CPNE3: variants seen among roughly 807,000 people sequenced by gnomAD.
CPNE3 encodes copine-3.
CPNE3 carries 68 observed loss-of-function variants against 63.9 expected under a neutral mutation model. The ratio of observed to expected loss-of-function variants is 1.06; its 90% CI spans 0.87 to 1.30. The LOEUF is 1.30. CPNE3 is among the 50% of genes most tolerant of loss of function. The probability of loss-of-function intolerance (pLI) is 0.00; values close to 1 mark genes in which losing one functional copy is unlikely to be tolerated. For missense variants in CPNE3, 665 were observed against 578.1 expected, an observed-to-expected ratio of 1.15 and a Z score of -1.54; for synonymous variants, 219 against 197.5, an observed-to-expected ratio of 1.11 and a Z score of -0.91.
intron 6 of CPNE3, among the ~76,000 whole-genome samples, chr8:86,535,177 G>A (rs1424934787): frequency 6.6e-6 from 1 of 152,018 alleles, no homozygotes; most frequent in Non-Finnish European, 1.5e-5. Flanking sequence ...TTCTGCCTTA[G>A]ACTGGCAGAT....
chr8:86,545,577 T>C (rs1821029404), intron 9 of CPNE3, among the ~76,000 whole-genome samples: 1 of 152,232 alleles, frequency 6.6e-6, no homozygotes, highest in South Asian at 2.1e-4. Context: ...ATACTTATGA[T>C]TGTGACTGAG....
intron 14 of CPNE3, among the ~76,000 whole-genome samples, chr8:86,553,608 T>C (rs1485151051): frequency 6.6e-6 from 1 of 152,200 alleles, no homozygotes; most frequent in Non-Finnish European, 1.5e-5. Flanking sequence ...GTTCATACGA[T>C]GATGAAATCA....
chr8:86,519,899 G>A (rs1254726091), intron 2 of CPNE3, among the ~76,000 whole-genome samples: 1 of 152,066 alleles, frequency 6.6e-6, no homozygotes, highest in African/African-American at 2.4e-5. Context: ...TTTTAGTAGA[G>A]ATGGGTTTCA....
chr8:86,559,306 G>C lies in CPNE3; in HGVS notation c.*896G>C, dbSNP rs1801831. 6.6e-6 allele frequency: 1 copy of C among 151,846 alleles called. No individual in the cohort carries two copies. Among genetic ancestry groups the C allele is most frequent in the Non-Finnish European group, 1.5e-5 (1 of 67,992 alleles). The allele number at this position is 151,846 out of a possible 1,614,324, so 9.4% of individuals were successfully genotyped here. On this transcript the variant is annotated 3_prime_UTR_variant, in exon 17 of 17. Transcript: ENST00000517490. The stretch of plus-strand genomic sequence containing the variant: ...AAAGATAAGAGGACCAAACATATAA[G>C]GTGAAATTCAGAATTCCGTTTCCTT...
rs528366903 is a variant in CPNE3, at chr8:86,558,419, A to G, written c.*9A>G. 16 of 872,786 alleles carry G rather than the reference A, an allele frequency of 1.8e-5. No homozygotes were observed. Among genetic ancestry groups the G allele is most frequent in the Non-Finnish European group, 3.0e-5 (15 of 501,624 alleles). 54.1% of individuals were successfully genotyped at this position (872,786 alleles called of 1,614,324 possible). On this transcript the variant is annotated 3_prime_UTR_variant, in exon 17 of 17. Transcript: ENST00000517490. ...AACAACAGAAGCAGTGACCACTTCAACAGAATTCTTTTGTGTTATGTGGAG... is the reference window on the plus strand; with the variant it reads ...AACAACAGAAGCAGTGACCACTTCAGCAGAATTCTTTTGTGTTATGTGGAG...
intron 2 of CPNE3, chr8:86,525,147 G>A (rs6651177): frequency 0.24 from 36,152 of 152,006 alleles, 4,479 homozygotes; most frequent in Non-Finnish European, 0.27. Context: ...GAGCCACTGC[G>A]CCCAGCCTAA....
chr8:86,551,928 A>G (rs1429422464), intron 14 of CPNE3, among the ~76,000 whole-genome samples: 1 of 152,238 alleles, frequency 6.6e-6, no homozygotes, highest in Admixed American at 6.5e-5. Context: ...GGCCTCCCAA[A>G]GTACTGGGAT....
At chr8:86,554,781 C>G (rs759760290) in intron 14 of CPNE3, 70 bp from the exon 15 acceptor site, 3 of 1,555,646 alleles carry the variant, frequency 1.9e-6, no homozygotes, top group Non-Finnish European at 2.6e-6. Flanking sequence ...TCAAATTAGC[C>G]AGTATTGTGA....
intron 8 of CPNE3, among the ~76,000 whole-genome samples, chr8:86,540,948 A>G (rs1820922974): frequency 6.6e-6 from 1 of 152,186 alleles, no homozygotes; most frequent in Non-Finnish European, 1.5e-5. Flanking sequence ...TAAATAAAAG[A>G]AAACTCATGG....
intron 2 of CPNE3, among the ~76,000 whole-genome samples, chr8:86,521,071 C>T (rs368139779): frequency 2.6e-5 from 4 of 152,006 alleles, no homozygotes; most frequent in African/African-American, 7.3e-5. Context: ...ACAGAACAAG[C>T]GTAGTTTAAA....
Position 86,537,609 on chromosome 8 carries a change from C to T in CPNE3, c.506C>T (p.Thr169Ile), listed in dbSNP as rs1460690406. ...CCATACCTGGAATTCCACAAGCAGA[C>T]ATCTGATGGAAACTGGCTAATGGTT... is the stretch of plus-strand genomic sequence containing the variant. ...SDPYLEFHKQ[T>I]SDGNWLMVHR... is the part of the protein sequence containing the mutation. Residue 169 changes from threonine to isoleucine, a missense_variant, in exon 7 of 17, where the codon ACA becomes ATA. Coordinates refer to ENST00000517490, the MANE Select transcript of CPNE3 (RefSeq NM_003909.5). 5.6e-6 allele frequency: 9 copies of T among 1,610,534 alleles called. No homozygotes were observed. Among genetic ancestry groups the T allele is most frequent in the Non-Finnish European group, 7.6e-6 (9 of 1,176,848 alleles).
chr8:86,536,552 T>C (rs1333238020), intron 6 of CPNE3, among the ~76,000 whole-genome samples: 1 of 152,108 alleles, frequency 6.6e-6, no homozygotes, highest in Non-Finnish European at 1.5e-5. Context: ...TCTTATTTGC[T>C]TGACATTAAA....
intron 8 of CPNE3, among the ~76,000 whole-genome samples, chr8:86,544,183 T>C (rs1370810728): frequency 6.6e-6 from 1 of 152,164 alleles, no homozygotes; most frequent in African/African-American, 2.4e-5. Context: ...GTAAGAGTTG[T>C]GATCTTCACA....
At chr8:86,532,721 T>TG in intron 6 of CPNE3, 141 bp downstream of exon 6, 1 of 679,154 alleles carries the variant, frequency 1.5e-6, no homozygotes, top group Non-Finnish European at 2.6e-6. Flanking sequence ...CATGTGTGTG[T>TG]GTGTGTTGTA....
intron 9 of CPNE3, 30 bp downstream of exon 9, chr8:86,544,868 T>G (rs1240644710): frequency 7.5e-7 from 1 of 1,334,952 alleles, no homozygotes; most frequent in African/African-American, 1.5e-5. Flanking sequence ...TTGCATATAC[T>G]TTATAGTTTG....
intron 14 of CPNE3, 165 bp downstream of exon 14, chr8:86,551,399 A>G: frequency 1.7e-6 from 1 of 605,766 alleles, no homozygotes; most frequent in Non-Finnish European, 2.9e-6. Flanking sequence ...AAGGTAGAAG[A>G]ATTGCACCAG....
At chr8:86,541,533 G>C (rs1381651541) in intron 8 of CPNE3, among the ~76,000 whole-genome samples, 1 of 151,834 alleles carries the variant, frequency 6.6e-6, no homozygotes, top group Non-Finnish European at 1.5e-5. Context: ...GCAAAATACT[G>C]TCTCTACAGA....
intron 8 of CPNE3, 127 bp downstream of exon 8, chr8:86,540,461 A>C: frequency 7.4e-6 from 3 of 407,352 alleles, no homozygotes; most frequent in Non-Finnish European, 1.3e-5. Context: ...GTTAAATTTT[A>C]TGTGTGTAGA....
At chr8:86,534,650 G>A (rs992665487) in intron 6 of CPNE3, among the ~76,000 whole-genome samples, 8 of 151,940 alleles carry the variant, frequency 5.3e-5, no homozygotes, top group African/African-American at 1.5e-4. Context: ...GCAAGGCTCC[G>A]TCTCAAAAAA....
Sources: gnomAD v4.1 joint callset for allele counts (sites outside exome capture counted in the v4.1 genomes callset) on GRCh38, gnomAD v4.1.1 for gene constraint, MANE v1.5 for transcripts, NCBI Gene and HGNC (gene_info 2026-07-23, HGNC 2026-07-21) for gene names.